Variants in CADM2 observed in about 807,000 individuals in gnomAD.
CADM2 encodes immunoglobulin superfamily member 4D.
CADM2 carries 12 observed loss-of-function variants against 49.8 expected under a neutral mutation model. The ratio of observed to expected loss-of-function variants is 0.24; its 90% CI spans 0.15 to 0.39. CADM2 has a LOEUF of 0.39. Among genes scored for constraint, CADM2 ranks in the 10% least tolerant of loss-of-function variants. The pLI is 1.00. For synonymous variants in CADM2, 214 were observed against 175.4 expected (o/e 1.22, Z -1.74); for missense variants, 378 against 492.3 (o/e 0.77, Z 2.20).
At chr3:85,655,333 G>C (rs571903601) in intron 1 of CADM2, among the ~76,000 whole-genome samples, 1 of 151,798 alleles carries the variant, frequency 6.6e-6, no homozygotes, top group Admixed American at 6.6e-5. Flanking sequence ...ATTATTTTTC[G>C]TATTTTTAGT....
intron 1 of CADM2, among the ~76,000 whole-genome samples, chr3:85,398,721 A>C (rs903074578): frequency 1.3e-5 from 2 of 152,080 alleles, no homozygotes; most frequent in Non-Finnish European, 2.9e-5. Context: ...GATGGCATCT[A>C]ATTGTGGTTT....
At chr3:85,270,580 A>G (rs778008788) in intron 1 of CADM2, among the ~76,000 whole-genome samples, 10 of 151,186 alleles carry the variant, frequency 6.6e-5, no homozygotes, top group Non-Finnish European at 1.3e-4. Flanking sequence ...TTCAGACTTT[A>G]GCATCAACAG....
chr3:85,225,583 AC>A (rs1370217910), intron 1 of CADM2, among the ~76,000 whole-genome samples: 1 of 152,134 alleles, frequency 6.6e-6, no homozygotes, highest in Non-Finnish European at 1.5e-5. Context: ...TCCCAAGAAT[AC>A]CCTTTATTTC....
At chr3:85,205,388 G>A (rs1412842137) in intron 1 of CADM2, among the ~76,000 whole-genome samples, 2 of 151,940 alleles carry the variant, frequency 1.3e-5, no homozygotes, top group East Asian at 3.9e-4. Context: ...ATATTTTGAA[G>A]CATGATTTCT....
chr3:85,642,510 G>A (rs2064754713), intron 1 of CADM2, among the ~76,000 whole-genome samples: 2 of 152,022 alleles, frequency 1.3e-5, no homozygotes, highest in Admixed American at 1.3e-4. Flanking sequence ...AAAAGCTGTT[G>A]TCACTTTTCA....
intron 1 of CADM2, among the ~76,000 whole-genome samples, chr3:85,266,031 G>T (rs980343353): frequency 6.6e-6 from 1 of 151,876 alleles, no homozygotes; most frequent in East Asian, 1.9e-4. Context: ...ATGCCCTTAG[G>T]TTTGAAAGAA....
intron 1 of CADM2, among the ~76,000 whole-genome samples, chr3:85,099,364 T>C (rs2037925181): frequency 6.6e-6 from 1 of 152,154 alleles, no homozygotes; most frequent in Non-Finnish European, 1.5e-5. Flanking sequence ...TGGATATTTC[T>C]CTGAAAGCAT....
intron 2 of CADM2, among the ~76,000 whole-genome samples, chr3:85,737,687 A>G (rs1419184177): frequency 6.6e-6 from 1 of 151,266 alleles, no homozygotes; most frequent in Non-Finnish European, 1.5e-5. Flanking sequence ...CCTCCCGAGT[A>G]GCTGGGACTA....
chr3:85,213,771 C>A (rs949470373), intron 1 of CADM2, among the ~76,000 whole-genome samples: 1 of 151,596 alleles, frequency 6.6e-6, no homozygotes, highest in African/African-American at 2.4e-5. Flanking sequence ...ATACTTTTTT[C>A]CTTTGTCTCC....
chr3:85,289,992 C>G (rs1267372079), intron 1 of CADM2, among the ~76,000 whole-genome samples: 1 of 152,166 alleles, frequency 6.6e-6, no homozygotes, highest in Non-Finnish European at 1.5e-5. Context: ...GTGAGCTCAG[C>G]AGAAGACTGG....
intron 8 of CADM2, among the ~76,000 whole-genome samples, chr3:86,044,091 C>CTAAAACCA (rs1736321765): frequency 6.6e-6 from 1 of 152,132 alleles, no homozygotes; most frequent in Admixed American, 6.5e-5. Context: ...CATGTTAGAC[C>CTAAAACCA]TAAAACCATA....
At chr3:86,035,554 T>A (rs1735058679) in intron 8 of CADM2, among the ~76,000 whole-genome samples, 1 of 152,122 alleles carries the variant, frequency 6.6e-6, no homozygotes, top group African/African-American at 2.4e-5. Flanking sequence ...GCACAGTGTT[T>A]GAAAAATATT....
At chr3:85,223,323 A>G (rs541294592) in intron 1 of CADM2, among the ~76,000 whole-genome samples, 2 of 152,268 alleles carry the variant, frequency 1.3e-5, no homozygotes, top group East Asian at 1.9e-4. Flanking sequence ...GGTCTGTTCT[A>G]AAATGAAATG....
chr3:85,782,745 G>A (rs1477091989), intron 2 of CADM2, among the ~76,000 whole-genome samples: 2 of 151,598 alleles, frequency 1.3e-5, no homozygotes, highest in Non-Finnish European at 2.9e-5. Context: ...GTATTGCTTA[G>A]AGGAGAAAAC....
intron 5 of CADM2, among the ~76,000 whole-genome samples, chr3:85,905,102 C>A (rs1278112266): frequency 2.0e-5 from 3 of 151,920 alleles, no homozygotes; most frequent in South Asian, 2.1e-4. Context: ...AGTGATATTG[C>A]CAATCTCCTT....
chr3:85,776,346 C>T (rs1007022391), intron 2 of CADM2, among the ~76,000 whole-genome samples: 1 of 151,476 alleles, frequency 6.6e-6, no homozygotes, highest in African/African-American at 2.4e-5. Flanking sequence ...TACACACACA[C>T]ACACACACAC....
intron 1 of CADM2, among the ~76,000 whole-genome samples, chr3:85,550,517 G>T (rs556917716): frequency 6.6e-6 from 1 of 152,072 alleles, no homozygotes; most frequent in African/African-American, 2.4e-5. Context: ...CAATTCCTCT[G>T]GGTGAGTCTG....
At chr3:85,114,861 T>A (rs867882478) in intron 1 of CADM2, among the ~76,000 whole-genome samples, 8 of 152,152 alleles carry the variant, frequency 5.3e-5, no homozygotes, top group Middle Eastern at 3.2e-3. Context: ...TATAACCATT[T>A]ATTATGTTAA....
chr3:85,939,226 A>G (rs1246076812), intron 7 of CADM2, among the ~76,000 whole-genome samples: 2 of 152,034 alleles, frequency 1.3e-5, no homozygotes, highest in Non-Finnish European at 2.9e-5. Flanking sequence ...CAGCTGCATA[A>G]CTTGGGCCAG....
Sources: allele counts gnomAD v4.1 joint callset (sites outside exome capture counted in the v4.1 genomes callset), GRCh38; gene constraint gnomAD v4.1.1; transcripts MANE v1.5; gene names NCBI Gene and HGNC (gene_info 2026-07-23, HGNC 2026-07-21).